The following MDN1 variants were observed in gnomAD, a reference collection of about 807,000 sequenced individuals.
The protein encoded by MDN1 is midasin.
In MDN1, 266 loss-of-function variants were observed where a neutral mutation model predicts 669.2. The observed-to-expected ratio is 0.40, with a 90% CI of 0.36 to 0.44. The LOEUF (loss-of-function observed/expected upper bound fraction) is 0.44. Ranked by LOEUF, MDN1 falls within the 20% of genes least tolerant of loss-of-function variation. The pLI is 1.00. For synonymous variants in MDN1, 2,385 were observed against 2,457.1 expected, an observed-to-expected ratio of 0.97 and a Z score of 0.87; for missense variants, 5,940 against 6,754.0, an observed-to-expected ratio of 0.88 and a Z score of 4.22.
At chr6:89,789,632 C>G in intron 7 of MDN1, 148 bp downstream of exon 7, 1 of 863,314 alleles carries the variant, frequency 1.2e-6, no homozygotes, top group Non-Finnish European at 1.7e-6. Context: ...CAAATCAGAT[C>G]AGGTAAGTAA....
At chr6:89,720,210 G>A in intron 40 of MDN1, among the ~76,000 whole-genome samples, 1 of 151,920 alleles carries the variant, frequency 6.6e-6, no homozygotes, top group East Asian at 1.9e-4. Flanking sequence ...TATGAGTCCA[G>A]GTGATACATG....
intron 27 of MDN1, among the ~76,000 whole-genome samples, chr6:89,746,302 T>C (rs1372729309): frequency 1.3e-5 from 2 of 152,102 alleles, no homozygotes; most frequent in Non-Finnish European, 2.9e-5. Flanking sequence ...CTAAAAAAGT[T>C]TGCCGGGCAT....
Position 89,729,083 on chromosome 6 carries a change from C to G in MDN1, c.5197G>C (p.Ala1733Pro). ...CTTAAGAGCCTCTGTGCATTCATAG[C>G]AGTGGTCCCTGCACTGAGTGCATAG... ...ADYALSAGTTAMNAQRLLRAT... is the reference protein window; with the variant it reads ...ADYALSAGTTPMNAQRLLRAT... The change falls in exon 36 of 102, where the codon GCT becomes CCT. Residue 1733 changes from alanine to proline, a missense_variant. Around this residue, in one of 5 missense-constraint regions of MDN1, gnomAD observed 2,292 missense variants for 2,638.3 expected, o/e 0.87. Coordinates refer to ENST00000369393, the MANE Select transcript of MDN1 (RefSeq NM_014611.3). The G allele has an allele frequency of 1.2e-6, 2 of 1,613,976 alleles. No homozygotes were observed. The highest frequency in any genetic ancestry group is 1.7e-6 in the Non-Finnish European group (2 of 1,179,998).
chr6:89,737,436 A>G (rs1252610861), intron 33 of MDN1, among the ~76,000 whole-genome samples: 3 of 152,088 alleles, frequency 2.0e-5, no homozygotes, highest in South Asian at 2.1e-4. Flanking sequence ...CCAAAAAACT[A>G]TGTATTTAGT....
At chr6:89,698,002 GTTC>G (rs1317564429) in intron 59 of MDN1, among the ~76,000 whole-genome samples, 1 of 152,124 alleles carries the variant, frequency 6.6e-6, no homozygotes, top group Non-Finnish European at 1.5e-5. Flanking sequence ...GTGCAAATGA[GTTC>G]TTTTTAACTA....
chr6:89,662,047 C>T (rs768559664), intron 87 of MDN1, 40 bp downstream of exon 87: 37 of 1,587,086 alleles, frequency 2.3e-5, no homozygotes, highest in Non-Finnish European at 3.1e-5. Flanking sequence ...GAGCTCTGGC[C>T]TTGAGTCAAG....
At position 89,695,689 on chromosome 6, in the gene MDN1, C is replaced by T. The variant is rs753639711; in HGVS notation, c.9687G>A (p.Leu3229=). Residue 3229 remains leucine, a synonymous_variant, in exon 61 of 102, where the codon TTG becomes TTA. Coordinates refer to ENST00000369393, the MANE Select transcript of MDN1 (RefSeq NM_014611.3). This position sits in a 1 kb window ranked among gnomAD's most constrained non-coding sequence, Gnocchi z 4.1. ...QRGSLWVSLG[L]LQIQTWLPQA... ...GGGGAAGCCATGTCTGAATCTGGAGCAAGCCGAGGCTCACCCAGAGGCTCC... is the reference window on the plus strand; with the variant it reads ...GGGGAAGCCATGTCTGAATCTGGAGTAAGCCGAGGCTCACCCAGAGGCTCC... 3.7e-5 allele frequency: 59 copies of T among 1,613,558 alleles called. No homozygotes were observed. Among genetic ancestry groups the T allele is most frequent in the Non-Finnish European group, 4.6e-5 (54 of 1,179,970 alleles).
chr6:89,728,877 A>G (rs1815398976), intron 36 of MDN1, 54 bp downstream of exon 36: 2 of 1,521,192 alleles, frequency 1.3e-6, no homozygotes, highest in Non-Finnish European at 1.8e-6. Flanking sequence ...ATAAATTGAC[A>G]CAGACATTAC....
chr6:89,785,045 G>T lies in MDN1; in HGVS notation c.1416C>A (p.His472Gln). The change falls in exon 9 of 102, where the codon CAC becomes CAA. Residue 472 changes from histidine to glutamine, a missense_variant. This residue lies in a region of MDN1 where 1,203 missense variants were observed against 1,268.9 expected (regional missense o/e 0.95). Transcript: ENST00000369393. ...TLLDKYWTKI[H>Q]LDNLDKRELN... ...GTTCTCTCTTATCCAGGTTATCCAGGTGAATTTTGGTCCAATATTTGTCTA... is the reference window on the plus strand; with the variant it reads ...GTTCTCTCTTATCCAGGTTATCCAGTTGAATTTTGGTCCAATATTTGTCTA... The T allele has an allele frequency of 6.2e-7, 1 of 1,613,782 alleles. No homozygotes were observed. The highest frequency in any genetic ancestry group is 8.5e-7 in the Non-Finnish European group (1 of 1,179,726).
rs7743484 is a variant in MDN1 at position 89,706,045 on chromosome 6, A to T, written c.8148+14T>A. The T allele has an allele frequency of 6.4e-7, 1 of 1,572,840 alleles. No homozygotes were observed. Among genetic ancestry groups the T allele is most frequent in the Non-Finnish European group, 8.6e-7 (1 of 1,157,284 alleles). The stretch of plus-strand genomic sequence containing the variant: ...TTTTGTTGTTTAAAAATAAAACAAG[A>T]TGCAGTTCCTTACCTCATTGGCACT... On this transcript the variant is annotated intron_variant, in intron 53 of 101. Transcript: ENST00000369393.
chr6:89,674,236 C>T lies in MDN1; in HGVS notation c.13115G>A (p.Arg4372Gln), dbSNP rs748608084. 9.3e-6 allele frequency: 15 copies of T among 1,614,086 alleles called. No individual in the cohort carries two copies. Among genetic ancestry groups the T allele is most frequent in the Middle Eastern group, 1.6e-4 (1 of 6,084 alleles). Reference sequence around the variant, plus strand: ...CCAAAGGTGATCCTGTTTCCGCATCCGGCAACCAGAGGGCAGCTGACTTCC... The same window carrying T: ...CCAAAGGTGATCCTGTTTCCGCATCTGGCAACCAGAGGGCAGCTGACTTCC... Reference protein sequence around the residue: ...IPGSQLPSGCRMRKQDHLWQQ... With the variant: ...IPGSQLPSGCQMRKQDHLWQQ... The change falls in exon 79 of 102, where the codon CGG becomes CAG. Residue 4372 changes from arginine to glutamine, a missense_variant. Arg to Gln is a conservative substitution (Grantham distance 43). Coordinates refer to ENST00000369393, the MANE Select transcript of MDN1 (RefSeq NM_014611.3).
At chr6:89,785,918 G>A (rs544401923) in intron 8 of MDN1, among the ~76,000 whole-genome samples, 2 of 152,280 alleles carry the variant, frequency 1.3e-5, no homozygotes, top group Non-Finnish European at 2.9e-5. Context: ...AAGATCGCTT[G>A]AGCCCAGGAG....
At chr6:89,765,072 T>C (rs1234177727) in intron 15 of MDN1, among the ~76,000 whole-genome samples, 1 of 152,062 alleles carries the variant, frequency 6.6e-6, no homozygotes, top group Non-Finnish European at 1.5e-5. Context: ...CTGGCTAACA[T>C]GGTGAAACCC....
chr6:89,784,650 G>A (rs573051806), intron 9 of MDN1, among the ~76,000 whole-genome samples: 1 of 152,220 alleles, frequency 6.6e-6, no homozygotes, highest in Non-Finnish European at 1.5e-5. Flanking sequence ...TCCATTAAGT[G>A]TGAAAGACAT....
chr6:89,686,147 C>T lies in MDN1; in HGVS notation c.11573-174G>A, dbSNP rs182528426. On this transcript the variant is annotated intron_variant, in intron 69 of 101. Coordinates refer to ENST00000369393, the MANE Select transcript of MDN1 (RefSeq NM_014611.3). Reference sequence around the variant, plus strand: ...CTAAGCTGATTTAAAAGTAACAGGCCGGTGTGGTGGCTCACGCCTGTAATC... The same window carrying T: ...CTAAGCTGATTTAAAAGTAACAGGCTGGTGTGGTGGCTCACGCCTGTAATC... Among the ~76,000 whole-genome samples, 336 of 152,228 alleles carry T rather than the reference C, an allele frequency of 2.2e-3. 2 individuals are homozygous for T. Among genetic ancestry groups the T allele is most frequent in the Non-Finnish European group, 1.5e-3 (102 of 68,018 alleles).
chr6:89,773,435 G>C (rs1818205662), intron 13 of MDN1, among the ~76,000 whole-genome samples: 1 of 151,544 alleles, frequency 6.6e-6, no homozygotes, highest in African/African-American at 2.4e-5. Flanking sequence ...AGCTACTCGG[G>C]AGGCTGAGGC....
intron 85 of MDN1, 113 bp from the exon 86 acceptor site, chr6:89,663,080 C>T (rs1809921713): frequency 8.5e-7 from 1 of 1,181,740 alleles, no homozygotes; most frequent in African/African-American, 1.5e-5. Context: ...GATTTATTGC[C>T]TTTTTCTACA....
intron 60 of MDN1, 121 bp from the exon 61 acceptor site, chr6:89,696,113 G>T: frequency 7.4e-7 from 1 of 1,351,430 alleles, no homozygotes; most frequent in Non-Finnish European, 1.0e-6. Flanking sequence ...ATGTAGAGGT[G>T]AATTTCTGTT....
Position 89,692,691 on chromosome 6 carries a change from G to A in MDN1, c.10339C>T (p.Pro3447Ser), listed in dbSNP as rs746146846. 7 of 1,614,058 alleles carry A rather than the reference G, an allele frequency of 4.3e-6. No individual in the cohort carries two copies. The highest frequency in any genetic ancestry group is 8.5e-7 in the Non-Finnish European group (1 of 1,180,032). The change falls in exon 63 of 102, where the codon CCC (proline) becomes TCC (serine). Residue 3447 changes from proline to serine, a missense_variant. By Grantham distance (74) the Pro-to-Ser change is moderately conservative. Transcript: ENST00000369393. ...TGAGCATAGTAAGTCGGGAAGGTGGGGCCCACCGATGGGAAAGCCAGCAAG... is the reference window on the plus strand; with the variant it reads ...TGAGCATAGTAAGTCGGGAAGGTGGAGCCCACCGATGGGAAAGCCAGCAAG... ...TALLAFPSVG[P>S]TFPTYYAHAD...
Sources: allele counts gnomAD v4.1 joint callset (sites outside exome capture counted in the v4.1 genomes callset), GRCh38; gene constraint gnomAD v4.1.1; regional missense constraint gnomAD v4.1.1; non-coding constraint Gnocchi (gnomAD v3.1); transcripts MANE v1.5; gene names NCBI Gene and HGNC (gene_info 2026-07-23, HGNC 2026-07-21).